ATAD2B: variants seen among roughly 807,000 people sequenced by gnomAD.
ATAD2B encodes the protein ATPase family AAA domain containing 2B, also known as ATPase family AAA domain-containing protein 2B.
ATAD2B carries 40 observed loss-of-function variants against 167.6 expected under a neutral mutation model. That is an observed-to-expected ratio of 0.24 (90% confidence interval 0.19 to 0.31). The LOEUF (loss-of-function observed/expected upper bound fraction) is 0.31. Ranked by LOEUF, ATAD2B falls within the 10% of genes least tolerant of loss-of-function variation. ATAD2B has a pLI of 1.00. For missense variants in ATAD2B, 1,242 were observed against 1,757.2 expected, an observed-to-expected ratio of 0.71 and a Z score of 5.24; for synonymous variants, 579 against 596.5, an observed-to-expected ratio of 0.97 and a Z score of 0.43.
chr2:23,784,744 G>A (rs1680554492), intron 21 of ATAD2B, among the ~76,000 whole-genome samples: 1 of 150,416 alleles, frequency 6.6e-6, no homozygotes, highest in Admixed American at 6.6e-5. Context: ...TTAATCGGCT[G>A]ATAGTTTTAA....
chr2:23,842,508 C>A (rs1315358725), intron 13 of ATAD2B, among the ~76,000 whole-genome samples: 1 of 152,068 alleles, frequency 6.6e-6, no homozygotes, highest in South Asian at 2.1e-4. Context: ...GGTGGGAGTT[C>A]ATGGTCACTT....
intron 8 of ATAD2B, among the ~76,000 whole-genome samples, chr2:23,870,781 T>C (rs1245447736): frequency 2.6e-5 from 4 of 152,018 alleles, no homozygotes; most frequent in African/African-American, 9.7e-5. Flanking sequence ...TTAACTCACT[T>C]AAGATATTTC....
intron 13 of ATAD2B, among the ~76,000 whole-genome samples, chr2:23,854,015 G>A (rs1315147537): frequency 6.6e-6 from 1 of 152,130 alleles, no homozygotes; most frequent in Non-Finnish European, 1.5e-5. Context: ...GGAGGCCGAA[G>A]CAGGAGAATC....
chr2:23,781,993 T>C (rs1202218306), intron 22 of ATAD2B, among the ~76,000 whole-genome samples: 1 of 152,172 alleles, frequency 6.6e-6, no homozygotes, highest in Non-Finnish European at 1.5e-5. Context: ...TTTGTAATTT[T>C]TTTGTAGAGG....
intron 1 of ATAD2B, among the ~76,000 whole-genome samples, chr2:23,906,914 A>G (rs1199992848): frequency 1.3e-5 from 2 of 151,524 alleles, no homozygotes; most frequent in East Asian, 3.9e-4. Flanking sequence ...ACAAAATTCA[A>G]CAACCCTTCA....
intron 8 of ATAD2B, chr2:23,873,037 A>G (rs72788280): frequency 0.13 from 79,394 of 614,246 alleles, 5,582 homozygotes; most frequent in Middle Eastern, 0.19. Flanking sequence ...GGGAGGCCCT[A>G]CATCAATTTT....
At chr2:23,779,174 C>CTTTTTTT (rs35835747) in intron 22 of ATAD2B, among the ~76,000 whole-genome samples, 1 of 97,398 alleles carries the variant, frequency 1.0e-5, no homozygotes, top group African/African-American at 3.8e-5. Flanking sequence ...TTTTTCTTTT[C>CTTTTTTT]TTTTTTTTTT....
chr2:23,764,448 T>C (rs1260196818), intron 23 of ATAD2B, among the ~76,000 whole-genome samples: 1 of 152,188 alleles, frequency 6.6e-6, no homozygotes, highest in Non-Finnish European at 1.5e-5. Flanking sequence ...TAGGCAGACA[T>C]TTTTGAAAAC....
At chr2:23,746,953 T>G (rs914675782), downstream of ATAD2B, among the ~76,000 whole-genome samples, 1 of 152,188 alleles carries the variant, frequency 6.6e-6, no homozygotes, top group East Asian at 1.9e-4. Flanking sequence ...TTAAGCTCCA[T>G]GAAGACACGG....
At chr2:23,852,015 A>G (rs2149907316) in intron 13 of ATAD2B, among the ~76,000 whole-genome samples, 1 of 152,268 alleles carries the variant, frequency 6.6e-6, no homozygotes, top group South Asian at 2.1e-4. Flanking sequence ...ACAGAATAGT[A>G]GGAAAAAATG....
chr2:23,775,909 A>C (rs552357708), intron 22 of ATAD2B, among the ~76,000 whole-genome samples: 2 of 152,122 alleles, frequency 1.3e-5, no homozygotes, highest in African/African-American at 2.4e-5. Flanking sequence ...CAAGGTCAAG[A>C]GATCGAGACC....
intron 20 of ATAD2B, among the ~76,000 whole-genome samples, chr2:23,787,400 G>A (rs1680987733): frequency 6.6e-6 from 1 of 151,900 alleles, no homozygotes; most frequent in Non-Finnish European, 1.5e-5. Flanking sequence ...CTAGAAGCAT[G>A]AAAGATTGAA....
intron 13 of ATAD2B, among the ~76,000 whole-genome samples, chr2:23,841,534 G>C (rs1690911205): frequency 6.6e-6 from 1 of 151,118 alleles, no homozygotes; most frequent in Non-Finnish European, 1.5e-5. Flanking sequence ...TCTTTGTGGA[G>C]GGATGGGGTC....
Position 23,754,781 on chromosome 2 carries a change from T to A in ATAD2B, c.4079-7A>T. Reference sequence around the variant, plus strand: ...TTCTTTACTTTAGAAGCACCTATAATTGAGACAAAAAAATACACTGCAGCA... The same window carrying A: ...TTCTTTACTTTAGAAGCACCTATAAATGAGACAAAAAAATACACTGCAGCA... On this transcript the variant is annotated splice_polypyrimidine_tract_variant and splice_region_variant and intron_variant, in intron 25 of 27. Coordinates refer to ENST00000238789, the MANE Select transcript of ATAD2B (RefSeq NM_017552.4). The A allele has an allele frequency of 6.2e-7, 1 of 1,607,316 alleles. No homozygotes were observed. The highest frequency in any genetic ancestry group is 8.5e-7 in the Non-Finnish European group (1 of 1,177,332).
At chr2:23,812,713 A>C (rs13405614) in intron 17 of ATAD2B, among the ~76,000 whole-genome samples, 1 of 152,096 alleles carries the variant, frequency 6.6e-6, no homozygotes, top group Non-Finnish European at 1.5e-5. Context: ...AATACAAAAA[A>C]TTAGCTGGGC....
chr2:23,703,189 C>T, the ATAD2B span: 8 of 1,441,796 alleles, frequency 5.5e-6, no homozygotes, highest in South Asian at 3.0e-5. Context: ...CCTGCAGGTA[C>T]GACACCATCA....
chr2:23,860,370 G>A (rs1047944511), intron 12 of ATAD2B, among the ~76,000 whole-genome samples: 1 of 152,112 alleles, frequency 6.6e-6, no homozygotes, highest in Non-Finnish European at 1.5e-5. Flanking sequence ...TCCTTACATA[G>A]TTAGACCTCC....
intron 18 of ATAD2B, among the ~76,000 whole-genome samples, chr2:23,802,732 A>G (rs186337850): frequency 2.0e-5 from 3 of 152,118 alleles, no homozygotes; most frequent in Non-Finnish European, 2.9e-5. Flanking sequence ...AGACTGCTAC[A>G]GAGAAATCCA....
intron 17 of ATAD2B, among the ~76,000 whole-genome samples, chr2:23,818,114 C>T (rs771907186): frequency 0.039 from 3,937 of 100,580 alleles, 146 homozygotes; most frequent in Non-Finnish European, 0.048. Flanking sequence ...CACACACACA[C>T]ACACACATTA....
Sources: gnomAD v4.1 joint callset for allele counts (sites outside exome capture counted in the v4.1 genomes callset) on GRCh38, gnomAD v4.1.1 for gene constraint, MANE v1.5 for transcripts, NCBI Gene and HGNC (gene_info 2026-07-23, HGNC 2026-07-21) for gene names.